STPG2: variants seen among roughly 807,000 people sequenced by gnomAD.
The protein encoded by STPG2 is sperm-tail PG-rich repeat-containing protein 2.
STPG2 carries 56 observed loss-of-function variants against 54.2 expected under a neutral mutation model. That is an observed-to-expected ratio of 1.03 (90% confidence interval 0.83 to 1.29). The LOEUF is 1.29. Ranked by LOEUF, STPG2 falls within the 50% of genes most tolerant of loss-of-function variation. STPG2 has a pLI of 0.00. For missense variants in STPG2, 596 were observed against 544.9 expected (o/e 1.09, Z -0.93); for synonymous variants, 200 against 181.8 (o/e 1.10, Z -0.81).
chr4:97,979,701 C>T (rs993540621), intron 6 of STPG2, among the ~76,000 whole-genome samples: 6 of 149,300 alleles, frequency 4.0e-5, no homozygotes, highest in African/African-American at 1.5e-4. Flanking sequence ...GCCTGGGCAA[C>T]GAAATGAGGC....
chr4:97,638,644 A>G (rs1721649137), intron 10 of STPG2, among the ~76,000 whole-genome samples: 1 of 143,302 alleles, frequency 7.0e-6, no homozygotes, highest in Non-Finnish European at 1.5e-5. Flanking sequence ...AAACAAATTT[A>G]CAAGAAAAAA....
intron 4 of STPG2, among the ~76,000 whole-genome samples, chr4:97,467,391 A>T (rs2148812595): frequency 6.6e-6 from 1 of 152,016 alleles, no homozygotes; most frequent in African/African-American, 2.4e-5. Context: ...TTATTCATAT[A>T]GAAAAAAAAA....
At chr4:97,981,637 G>C (rs937451721) in intron 5 of STPG2, among the ~76,000 whole-genome samples, 1 of 151,482 alleles carries the variant, frequency 6.6e-6, no homozygotes, top group Non-Finnish European at 1.5e-5. Flanking sequence ...TATTCTGCCA[G>C]TTAATATAAA....
At chr4:97,765,465 G>A (rs1482176865) in intron 9 of STPG2, among the ~76,000 whole-genome samples, 1 of 152,094 alleles carries the variant, frequency 6.6e-6, no homozygotes, top group East Asian at 1.9e-4. Flanking sequence ...ATTTGGACAT[G>A]TGATTTGCTT....
At chr4:97,474,342 C>T (rs1311373087) in intron 4 of STPG2, among the ~76,000 whole-genome samples, 1 of 151,530 alleles carries the variant, frequency 6.6e-6, no homozygotes, top group African/African-American at 2.4e-5. Context: ...AAGCAATGGT[C>T]AAGGCTGAAA....
intron 10 of STPG2, among the ~76,000 whole-genome samples, chr4:97,579,089 G>C (rs181798251): frequency 5.3e-5 from 8 of 152,118 alleles, no homozygotes; most frequent in Admixed American, 5.2e-4. Flanking sequence ...TCTTTAAATT[G>C]CAAGTGACTT....
At chr4:97,953,099 C>A (rs1018692497) in intron 7 of STPG2, among the ~76,000 whole-genome samples, 1 of 152,124 alleles carries the variant, frequency 6.6e-6, no homozygotes, top group African/African-American at 2.4e-5. Context: ...AACGGAGGAG[C>A]AAAGCCAGGT....
intron 7 of STPG2, among the ~76,000 whole-genome samples, chr4:97,953,906 T>C: frequency 6.6e-6 from 1 of 152,366 alleles, no homozygotes; most frequent in Non-Finnish European, 1.5e-5. Flanking sequence ...AGAATTGCTA[T>C]ACACTATTTT....
At chr4:97,673,889 T>A (rs1181160420) in intron 10 of STPG2, among the ~76,000 whole-genome samples, 1 of 152,214 alleles carries the variant, frequency 6.6e-6, no homozygotes, top group Non-Finnish European at 1.5e-5. Context: ...TGTTTTAAAT[T>A]TAATTTTTCT....
At chr4:98,098,046 C>T (rs1051158574) in intron 5 of STPG2, among the ~76,000 whole-genome samples, 2 of 151,970 alleles carry the variant, frequency 1.3e-5, no homozygotes, top group African/African-American at 4.8e-5. Flanking sequence ...CCCATGATAC[C>T]CAAAGCAATC....
rs182726951 is a variant in STPG2 at position 97,803,889 on chromosome 4, G to T, written c.1204+36884C>A. Among the ~76,000 whole-genome samples, 31 of 152,152 alleles carry T rather than the reference G, an allele frequency of 2.0e-4. No individual in the cohort carries two copies. In the South Asian group the frequency reaches 6.2e-3, roughly 31 times the overall value. On this transcript the variant is annotated intron_variant, in intron 9 of 10. Coordinates refer to ENST00000295268, the MANE Select transcript of STPG2 (RefSeq NM_174952.3). ...CTGACTTCTTAATCAATTCATCTCC[G>T]ATGTCACGTTATTTCAATTCTGTGG...
Position 98,143,432 on chromosome 4 carries a change from AT to A in STPG2, c.-283del. The stretch of plus-strand genomic sequence containing the variant: ...AGTTTGCCAGGTGCACGCCACCAAA[AT>A]TGGGTATTAGGGATTAGACGCTCGC... On this transcript the variant is annotated 5_prime_UTR_variant, in exon 1 of 11. Coordinates refer to ENST00000295268, the MANE Select transcript of STPG2 (RefSeq NM_174952.3). Among the ~76,000 whole-genome samples the A allele has an allele frequency of 6.6e-6, 1 of 152,242 alleles. No homozygotes were observed. The highest frequency in any genetic ancestry group is 6.5e-5 in the Admixed American group (1 of 15,294).
Position 97,636,988 on chromosome 4 carries a change from T to G in STPG2, c.1320+75711A>C, listed in dbSNP as rs544910057. 4.1e-3 allele frequency among the ~76,000 whole-genome samples: 626 copies of G among 152,280 alleles called. 1 individual carries two copies. The highest frequency in any genetic ancestry group is 0.02 in the South Asian group (94 of 4,820). On this transcript the variant is annotated intron_variant, in intron 10 of 10. Coordinates refer to ENST00000295268, the MANE Select transcript of STPG2 (RefSeq NM_174952.3). The stretch of plus-strand genomic sequence containing the variant: ...AAAGAGGGAATCCTCCCTAACTCAT[T>G]TTATGAGGCCAGCATCATCCTGATA...
At chr4:98,113,321 T>C (rs190008499) in intron 3 of STPG2, among the ~76,000 whole-genome samples, 7 of 152,104 alleles carry the variant, frequency 4.6e-5, no homozygotes, top group Admixed American at 4.6e-4. Context: ...TAGAAATACA[T>C]GGGTAGAAGA....
chr4:97,622,262 C>CT (rs1734031880), intron 10 of STPG2, among the ~76,000 whole-genome samples: 1 of 151,952 alleles, frequency 6.6e-6, no homozygotes, highest in Admixed American at 6.6e-5. Context: ...ACATAGTACT[C>CT]TAAGTCCTAG....
At chr4:97,996,746 AG>A (rs1735254381) in intron 5 of STPG2, among the ~76,000 whole-genome samples, 1 of 53,612 alleles carries the variant, frequency 1.9e-5, no homozygotes, top group Admixed American at 3.0e-4. Context: ...AAGAACAAAC[AG>A]CCCCCTTTTG....
At chr4:97,457,609 G>C (rs761168387) in intron 4 of STPG2, among the ~76,000 whole-genome samples, 1 of 152,120 alleles carries the variant, frequency 6.6e-6, no homozygotes, top group Non-Finnish European at 1.5e-5. Flanking sequence ...ATCACTGTTT[G>C]CTCAAAACAA....
At chr4:97,541,480 C>G (rs1306566700) in intron 4 of STPG2, among the ~76,000 whole-genome samples, 1 of 152,110 alleles carries the variant, frequency 6.6e-6, no homozygotes, top group Non-Finnish European at 1.5e-5. Context: ...AGGACACAAG[C>G]AAATGGAAGA....
intron 4 of STPG2, among the ~76,000 whole-genome samples, chr4:97,533,943 G>T (rs1178608108): frequency 6.6e-6 from 1 of 151,896 alleles, no homozygotes; most frequent in Non-Finnish European, 1.5e-5. Flanking sequence ...CAATTGTTAG[G>T]TTATATAATA....
Sources: allele counts gnomAD v4.1 joint callset (sites outside exome capture counted in the v4.1 genomes callset), GRCh38; gene constraint gnomAD v4.1.1; transcripts MANE v1.5; gene names NCBI Gene and HGNC (gene_info 2026-07-23, HGNC 2026-07-21).